Variants in CBL observed in about 807,000 individuals in gnomAD.
CBL encodes the protein E3 ubiquitin-protein ligase CBL.
CBL carries 45 observed loss-of-function variants against 96.9 expected under a neutral mutation model. The observed-to-expected ratio is 0.46, with a 90% CI of 0.37 to 0.60. CBL has a LOEUF of 0.60. Among genes scored for constraint, CBL ranks in the 20% least tolerant of loss-of-function variants. CBL has a pLI of 0.00. For synonymous variants in CBL, 420 were observed against 426.8 expected, an observed-to-expected ratio of 0.98 and a Z score of 0.20; for missense variants, 1,024 against 1,143.5, an observed-to-expected ratio of 0.90 and a Z score of 1.51.
chr11:119,278,248 T>C lies in CBL; in HGVS notation c.1178T>C (p.Ile393Thr), dbSNP rs775272530. 1.9e-6 allele frequency: 3 copies of C among 1,613,722 alleles called. No homozygotes were observed. The highest frequency in any genetic ancestry group is 2.5e-6 in the Non-Finnish European group (3 of 1,179,644). The change falls in exon 8 of 16, where the codon ATT becomes ACT. Residue 393 changes from isoleucine (I) to threonine (T), a missense_variant. Physicochemically the swap from Ile to Thr is moderately conservative, Grantham distance 89. Transcript: ENST00000264033. The stretch of plus-strand genomic sequence containing the variant: ...GCTGAAAATGATAAGGATGTAAAGA[T>C]TGAGCCCTGTGGACACCTCATGTGC... ...ICAENDKDVK[I>T]EPCGHLMCTS... is the part of the protein sequence containing the mutation.
At chr11:119,287,542 G>A (rs1191572129) in intron 11 of CBL, among the ~76,000 whole-genome samples, 4 of 152,198 alleles carry the variant, frequency 2.6e-5, no homozygotes, top group Non-Finnish European at 4.4e-5. Flanking sequence ...ACCATTTTGC[G>A]TTTGGATATA....
intron 1 of CBL, among the ~76,000 whole-genome samples, chr11:119,222,731 A>G (rs1342889844): frequency 6.6e-6 from 1 of 151,874 alleles, no homozygotes. Flanking sequence ...AAAATTCACT[A>G]AATAATATAG....
At chr11:119,242,165 A>G (rs1218872471) in intron 2 of CBL, among the ~76,000 whole-genome samples, 2 of 152,144 alleles carry the variant, frequency 1.3e-5, no homozygotes, top group Non-Finnish European at 2.9e-5. Flanking sequence ...CAAATAAGAA[A>G]TAGATTGGGG....
chr11:119,306,418 C>T lies in CBL; in HGVS notation c.*6637C>T, dbSNP rs1334106332. 4 of 398,888 alleles carry T rather than the reference C, an allele frequency of 1.0e-5. No individual in the cohort carries two copies. The highest frequency in any genetic ancestry group is 1.3e-5 in the Non-Finnish European group (3 of 226,148). The allele number at this position is 398,888 out of a possible 1,614,324, so 24.7% of individuals were successfully genotyped here. ...CCCCTCCCCACCAACATTGCCTCTCCTACATTCTCCTTCTGCCCCTAAATC... is the reference window on the plus strand; with the variant it reads ...CCCCTCCCCACCAACATTGCCTCTCTTACATTCTCCTTCTGCCCCTAAATC... On this transcript the variant is annotated 3_prime_UTR_variant, in exon 16 of 16. Transcript: ENST00000264033.
At chr11:119,258,271 A>T (rs916710512) in intron 2 of CBL, among the ~76,000 whole-genome samples, 5 of 152,138 alleles carry the variant, frequency 3.3e-5, no homozygotes, top group African/African-American at 1.2e-4. Flanking sequence ...TGAGACTGTA[A>T]TTTTTAAAGA....
At chr11:119,298,302 A>G in intron 14 of CBL, 56 bp from the exon 15 acceptor site, 4 of 1,460,982 alleles carry the variant, frequency 2.7e-6, no homozygotes, top group Non-Finnish European at 3.8e-6. Context: ...CCGTATTGAA[A>G]TGTATTAGAA....
At chr11:119,256,681 AGTTT>A (rs1400863994) in intron 2 of CBL, among the ~76,000 whole-genome samples, 3 of 144,090 alleles carry the variant, frequency 2.1e-5, no homozygotes, top group African/African-American at 7.5e-5. Context: ...CCCAGTATGT[AGTTT>A]GTTTTTTTTT....
At position 119,274,655 on chromosome 11, in the gene CBL, G is replaced by A. The variant is rs149770450; in HGVS notation, c.748-177G>A. Among the ~76,000 whole-genome samples, 269 of 151,738 alleles carry A rather than the reference G, an allele frequency of 1.8e-3. 1 individual carries two copies. The highest frequency in any genetic ancestry group is 6.1e-3 in the African/African-American group (253 of 41,386). On this transcript the variant is annotated intron_variant, in intron 4 of 15. Coordinates refer to ENST00000264033, the MANE Select transcript of CBL (RefSeq NM_005188.4). ...CCTATAAGCATATATTCTTTTCTTC[G>A]TAGCTTTTCAGAGTTTTTAATCTCC... is the stretch of plus-strand genomic sequence containing the variant.
intron 11 of CBL, among the ~76,000 whole-genome samples, chr11:119,287,424 C>T (rs1383286121): frequency 6.6e-6 from 1 of 152,182 alleles, no homozygotes; most frequent in African/African-American, 2.4e-5. Flanking sequence ...TGAATGGCAT[C>T]TCTTGGTTGC....
At position 119,302,739 on chromosome 11, in the gene CBL, T is replaced by A. The variant is rs1950110243; in HGVS notation, c.*2958T>A. ...AGAGGGTTCTTAAAATGGAAAAACC[T>A]GTGGGCTCTTCATATACCTCCCTTT... On this transcript the variant is annotated 3_prime_UTR_variant, in exon 16 of 16. Coordinates refer to ENST00000264033, the MANE Select transcript of CBL (RefSeq NM_005188.4). 4.3e-6 allele frequency: 1 copy of A among 230,446 alleles called. No individual in the cohort carries two copies. The highest frequency in any genetic ancestry group is 2.2e-5 in the African/African-American group (1 of 45,212). 14.3% of individuals were successfully genotyped at this position (230,446 alleles called of 1,614,324 possible). A position where few individuals can be genotyped will look rare whatever the true frequency, so the allele number is the denominator to read the frequency against.
In CBL at chr11:119,266,262, G is replaced by A. The variant is rs117980863; in HGVS notation, c.444-5473G>A. On this transcript the variant is annotated intron_variant, in intron 2 of 15. Transcript: ENST00000264033. ...AGTACCTTATGAGCAAGAGTTACAA[G>A]ATAACTTTTTCAGTATTCTATATAG... Among the ~76,000 whole-genome samples, 104 of 152,156 alleles carry A rather than the reference G, an allele frequency of 6.8e-4. 1 individual carries two copies. In the East Asian group the frequency reaches 0.018, roughly 26 times the overall value.
In CBL at chr11:119,277,727, A is replaced by G. The variant is rs377176689; in HGVS notation, c.1008-30A>G. Reference sequence around the variant, plus strand: ...AGCAAGCACTGGCAAATTGGCTTAAATAAAACCCAGGGTTGGTTACTCTTT... The same window carrying G: ...AGCAAGCACTGGCAAATTGGCTTAAGTAAAACCCAGGGTTGGTTACTCTTT... On this transcript the variant is annotated intron_variant, in intron 6 of 15. Coordinates refer to ENST00000264033, the MANE Select transcript of CBL (RefSeq NM_005188.4). 21 of 1,548,096 alleles carry G rather than the reference A, an allele frequency of 1.4e-5. No homozygotes were observed. The African/African-American group carries it at 1.5e-4, about 11-fold the overall frequency.
At chr11:119,298,111 C>T (rs528612341) in intron 14 of CBL, among the ~76,000 whole-genome samples, 16 of 152,320 alleles carry the variant, frequency 1.1e-4, no homozygotes, top group East Asian at 1.9e-4. Flanking sequence ...TCATTGGCAT[C>T]GGTGGCTATT....
chr11:119,250,235 T>C (rs1565864604), intron 2 of CBL, among the ~76,000 whole-genome samples: 1 of 152,192 alleles, frequency 6.6e-6, no homozygotes, highest in Non-Finnish European at 1.5e-5. Context: ...CTAGGGTAAA[T>C]TTCCCCTGAT....
At chr11:119,253,877 G>C (rs1347078573) in intron 2 of CBL, among the ~76,000 whole-genome samples, 2 of 150,736 alleles carry the variant, frequency 1.3e-5, no homozygotes, top group South Asian at 4.2e-4. Context: ...TCATCAGCCA[G>C]TCTTGTTGGC....
intron 11 of CBL, among the ~76,000 whole-genome samples, chr11:119,286,754 C>A (rs898969103): frequency 2.0e-5 from 3 of 152,150 alleles, no homozygotes; most frequent in Non-Finnish European, 4.4e-5. Context: ...AGAAAGGGTC[C>A]AGAACTGAGA....
chr11:119,239,058 C>T (rs1277694630), intron 2 of CBL, among the ~76,000 whole-genome samples: 1 of 152,148 alleles, frequency 6.6e-6, no homozygotes, highest in African/African-American at 2.4e-5. Context: ...CAACCTTCAC[C>T]TCCCAAGCTC....
intron 6 of CBL, among the ~76,000 whole-genome samples, chr11:119,277,226 A>T (rs1949895736): frequency 9.0e-6 from 1 of 110,578 alleles, no homozygotes; most frequent in Non-Finnish European, 1.8e-5. Context: ...CAAAAAAAAA[A>T]TAAGAATCTG....
intron 2 of CBL, among the ~76,000 whole-genome samples, chr11:119,267,104 T>A (rs1162920167): frequency 6.6e-6 from 1 of 152,240 alleles, no homozygotes; most frequent in Non-Finnish European, 1.5e-5. Context: ...AGCTTCAGAT[T>A]GGTTACAAAA....
Sources: allele counts gnomAD v4.1 joint callset (sites outside exome capture counted in the v4.1 genomes callset), GRCh38; gene constraint gnomAD v4.1.1; transcripts MANE v1.5; gene names NCBI Gene and HGNC (gene_info 2026-07-23, HGNC 2026-07-21).